Variants in NAA11 observed in about 807,000 individuals in gnomAD.
NAA11 encodes the protein N-alpha-acetyltransferase 11, NatA catalytic subunit, also known as N-alpha-acetyltransferase 11.
Under a neutral mutation model 16.1 loss-of-function variants are expected in NAA11, and 15 were observed. The observed-to-expected ratio is 0.93, with a 90% CI of 0.62 to 1.44. The LOEUF is 1.44. Among genes scored for constraint, NAA11 ranks in the 40% most tolerant of loss-of-function variants. NAA11 has a pLI of 0.00. For missense variants in NAA11, 298 were observed against 291.3 expected, an observed-to-expected ratio of 1.02 and a Z score of -0.17; for synonymous variants, 122 against 112.4, an observed-to-expected ratio of 1.09 and a Z score of -0.54.
At chr4:79,210,568 T>C in the NAA11 span, among the ~76,000 whole-genome samples, 13 of 152,154 alleles carry the variant, frequency 8.5e-5, no homozygotes, top group South Asian at 2.5e-3. Flanking sequence ...CAACTACTTA[T>C]AGTAAAGGAA....
the NAA11 span, among the ~76,000 whole-genome samples, chr4:79,203,874 G>A: frequency 3.3e-5 from 5 of 151,482 alleles, 1 homozygote; most frequent in African/African-American, 7.3e-5. Flanking sequence ...ATATGAACAG[G>A]CAATCTCAAA....
At chr4:79,251,993 A>C (rs536394196) in intron 2 of NAA11, among the ~76,000 whole-genome samples, 1 of 110,770 alleles carries the variant, frequency 9.0e-6, no homozygotes, top group African/African-American at 3.0e-5. Flanking sequence ...TATATTCACC[A>C]TGGAATACTA....
At chr4:79,313,401 A>C (rs2110012355), downstream of NAA11, among the ~76,000 whole-genome samples, 1 of 152,238 alleles carries the variant, frequency 6.6e-6, no homozygotes, top group African/African-American at 2.4e-5. Flanking sequence ...AAGCTGTTGG[A>C]CTCCGCACTC....
At chr4:79,196,679 A>G in the NAA11 span, among the ~76,000 whole-genome samples, 1 of 151,922 alleles carries the variant, frequency 6.6e-6, no homozygotes, top group African/African-American at 2.4e-5. Context: ...ATTCTATTCC[A>G]TGGAACTTGT....
chr4:79,236,615 CTTAA>C (rs1208453384), intron 2 of NAA11, among the ~76,000 whole-genome samples: 3 of 152,122 alleles, frequency 2.0e-5, no homozygotes, highest in Non-Finnish European at 4.4e-5. Flanking sequence ...TAATTAAAAT[CTTAA>C]TTATATCATT....
At chr4:79,275,740 A>T (rs1722633140) in intron 2 of NAA11, among the ~76,000 whole-genome samples, 1 of 152,102 alleles carries the variant, frequency 6.6e-6, no homozygotes, top group Non-Finnish European at 1.5e-5. Flanking sequence ...AGGATTATAA[A>T]ACTGAGATGT....
intron 2 of NAA11, among the ~76,000 whole-genome samples, chr4:79,282,597 C>A (rs925023006): frequency 6.6e-6 from 1 of 151,716 alleles, no homozygotes; most frequent in Admixed American, 6.6e-5. Context: ...CTAGAGCAAA[C>A]AGATAGATTG....
chr4:79,188,313 C>T, the NAA11 span, among the ~76,000 whole-genome samples: 15 of 151,988 alleles, frequency 9.9e-5, no homozygotes, highest in African/African-American at 2.9e-4. Flanking sequence ...TGGCCGGGCG[C>T]GGTGGCTCAC....
At chr4:79,172,272 C>T in the NAA11 span, among the ~76,000 whole-genome samples, 1 of 151,928 alleles carries the variant, frequency 6.6e-6, no homozygotes, top group Non-Finnish European at 1.5e-5. Flanking sequence ...ATAAAAATTT[C>T]CCTCTCAAGA....
the NAA11 span, among the ~76,000 whole-genome samples, chr4:79,167,140 ATATATATATATATATG>A: frequency 2.1e-4 from 13 of 62,594 alleles, 2 homozygotes; most frequent in East Asian, 5.6e-4. Context: ...TTTTATATAT[ATATATATATATATATG>A]TATATGGAGA....
At chr4:79,232,340 CT>C in intron 2 of NAA11, among the ~76,000 whole-genome samples, 1 of 151,920 alleles carries the variant, frequency 6.6e-6, no homozygotes, top group South Asian at 2.1e-4. Flanking sequence ...CAACTGTTCC[CT>C]TTTCCACAAC....
chr4:79,259,329 T>C (rs1301323032), intron 2 of NAA11, among the ~76,000 whole-genome samples: 1 of 152,162 alleles, frequency 6.6e-6, no homozygotes, highest in Admixed American at 6.5e-5. Flanking sequence ...CGTCACCACA[T>C]TCCCTGGTGG....
the NAA11 span, among the ~76,000 whole-genome samples, chr4:79,169,685 A>G: frequency 6.6e-6 from 1 of 152,228 alleles, no homozygotes; most frequent in Admixed American, 6.5e-5. Context: ...GGACATAGGC[A>G]TGGGCAAAGA....
the NAA11 span, among the ~76,000 whole-genome samples, chr4:79,180,169 C>T: frequency 1.3e-5 from 2 of 151,924 alleles, no homozygotes; most frequent in African/African-American, 4.8e-5. Flanking sequence ...TGTATCTGTT[C>T]TTTAAATTAA....
chr4:79,178,764 T>G, the NAA11 span, among the ~76,000 whole-genome samples: 1 of 152,118 alleles, frequency 6.6e-6, no homozygotes, highest in African/African-American at 2.4e-5. Flanking sequence ...TGGTGGTGGT[T>G]GTTGGGATGG....
the NAA11 span, among the ~76,000 whole-genome samples, chr4:79,170,933 C>A: frequency 1.7e-4 from 25 of 151,342 alleles, no homozygotes; most frequent in East Asian, 3.3e-3. Flanking sequence ...CACAAAAAAA[C>A]AAAAAAAAAA....
chr4:79,251,884 C>A (rs1722005334), intron 2 of NAA11, among the ~76,000 whole-genome samples: 1 of 152,098 alleles, frequency 6.6e-6, no homozygotes, highest in Non-Finnish European at 1.5e-5. Context: ...TTCAAAAAAA[C>A]ATCTGCACTC....
intron 2 of NAA11, among the ~76,000 whole-genome samples, chr4:79,242,293 C>T (rs1185867854): frequency 6.6e-6 from 1 of 152,152 alleles, no homozygotes; most frequent in African/African-American, 2.4e-5. Flanking sequence ...GCTCTAGTTC[C>T]CTGCCTACCA....
intron 2 of NAA11, chr4:79,227,320 A>T (rs1481945691): frequency 6.6e-6 from 1 of 152,066 alleles, no homozygotes; most frequent in Non-Finnish European, 1.5e-5. Context: ...ACAAGCACAA[A>T]ACGAACAACC....
Sources: allele counts gnomAD v4.1 joint callset (sites outside exome capture counted in the v4.1 genomes callset), GRCh38; gene constraint gnomAD v4.1.1; transcripts MANE v1.5; gene names NCBI Gene and HGNC (gene_info 2026-07-23, HGNC 2026-07-21).